Variants in WDPCP observed in about 807,000 individuals in gnomAD.
WDPCP encodes WD repeat-containing and planar cell polarity effector protein fritz homolog.
Under a neutral mutation model 93.1 loss-of-function variants are expected in WDPCP, and 71 were observed. The observed-to-expected ratio is 0.76, with a 90% CI of 0.63 to 0.93. WDPCP has a LOEUF of 0.93. Ranked by LOEUF, WDPCP falls within the 40% of genes least tolerant of loss-of-function variation. The probability of loss-of-function intolerance (pLI) is 0.00; values close to 1 mark genes in which losing one functional copy is unlikely to be tolerated. For synonymous variants in WDPCP, 315 were observed against 315.0 expected (o/e 1.00, Z 0.00); for missense variants, 844 against 887.4 (o/e 0.95, Z 0.62).
chr2:63,667,582 T>C lies in WDPCP; in HGVS notation n.309-16744A>G, dbSNP rs182589645. Among the ~76,000 whole-genome samples the C allele has an allele frequency of 2.6e-5, 4 of 152,272 alleles. No individual in the cohort carries two copies. In the East Asian group the frequency reaches 7.7e-4, roughly 29 times the overall value. On this transcript the variant is annotated intron_variant and non_coding_transcript_variant, in intron 2 of 4. Transcript: ENST00000467687. ...AAAGCAGTTCAGAACATTTCTGGAG[T>C]TTCTCTCCCTGTTATCATGTTTTCT...
intron 2 of WDPCP, among the ~76,000 whole-genome samples, chr2:63,704,079 A>C (rs542769353): frequency 1.3e-5 from 2 of 152,220 alleles, no homozygotes; most frequent in East Asian, 3.9e-4. Context: ...ATGAGAGTTC[A>C]CTCATGATTT....
intron 12 of WDPCP, among the ~76,000 whole-genome samples, chr2:63,315,199 G>A (rs1164351207): frequency 6.6e-6 from 1 of 152,146 alleles, no homozygotes; most frequent in East Asian, 1.9e-4. Context: ...TCACTCAGCA[G>A]ACAACAAATA....
intron 12 of WDPCP, among the ~76,000 whole-genome samples, chr2:63,321,815 A>C (rs1310040160): frequency 2.0e-5 from 3 of 152,168 alleles, no homozygotes; most frequent in Non-Finnish European, 4.4e-5. Flanking sequence ...GTATATAGGA[A>C]TGTTTACATT....
chr2:63,519,764 G>A (rs752385101), intron 1 of WDPCP, among the ~76,000 whole-genome samples: 1 of 151,920 alleles, frequency 6.6e-6, no homozygotes, highest in Non-Finnish European at 1.5e-5. Flanking sequence ...AAGATTGAAG[G>A]AACATCAGCC....
chr2:63,606,765 A>T, intron 3 of WDPCP: 1 of 816,518 alleles, frequency 1.2e-6, no homozygotes, highest in Non-Finnish European at 1.8e-6. Flanking sequence ...ATCAGACTTT[A>T]AAACGATATA....
intron 3 of WDPCP, among the ~76,000 whole-genome samples, chr2:63,627,484 A>T (rs1226856327): frequency 1.3e-5 from 2 of 152,220 alleles, no homozygotes; most frequent in Non-Finnish European, 2.9e-5. Context: ...AAGTGAGAAC[A>T]TGCATTCCCG....
intron 17 of WDPCP, among the ~76,000 whole-genome samples, chr2:63,142,903 CAT>C (rs1444591881): frequency 2.8e-5 from 4 of 141,370 alleles, no homozygotes; most frequent in Non-Finnish European, 6.1e-5. Context: ...TACACACATA[CAT>C]ATATATACAC....
chr2:63,149,170 G>C (rs1440881613), intron 17 of WDPCP, among the ~76,000 whole-genome samples: 1 of 152,068 alleles, frequency 6.6e-6, no homozygotes, highest in Non-Finnish European at 1.5e-5. Context: ...AAATCAGTGA[G>C]AAAAAGGCAA....
At chr2:63,312,696 A>C (rs1043401920) in intron 13 of WDPCP, among the ~76,000 whole-genome samples, 3 of 152,182 alleles carry the variant, frequency 2.0e-5, no homozygotes, top group African/African-American at 7.2e-5. Context: ...ATTTGTAAGA[A>C]ACTGGTCAGT....
Position 63,525,008 on chromosome 2 carries a change from T to C in WDPCP, c.76-32068A>G, listed in dbSNP as rs1703219972. Among the ~76,000 whole-genome samples the C allele has an allele frequency of 2.6e-5, 4 of 152,128 alleles. No individual in the cohort carries two copies. In the South Asian group the frequency reaches 8.3e-4, roughly 31 times the overall value. On this transcript the variant is annotated intron_variant, in intron 1 of 17. Transcript: ENST00000272321. ...GAGAATCAACCTAAAAGTTCATCAA[T>C]GGTAGACTGGATAAAGAAAATGTGG...
At chr2:63,528,048 C>A (rs1703491309) in intron 1 of WDPCP, among the ~76,000 whole-genome samples, 1 of 152,084 alleles carries the variant, frequency 6.6e-6, no homozygotes, top group African/African-American at 2.4e-5. Flanking sequence ...ATATCCTTCG[C>A]CCCCTTTTTC....
At chr2:63,270,349 A>C (rs1682527574) in intron 13 of WDPCP, among the ~76,000 whole-genome samples, 1 of 151,978 alleles carries the variant, frequency 6.6e-6, no homozygotes, top group Admixed American at 6.6e-5. Context: ...AATAAAACCA[A>C]GTGCTTCCTT....
In WDPCP at chr2:63,766,323, C is replaced by T. The variant is rs552369564; in HGVS notation, n.308+47299G>A. Among the ~76,000 whole-genome samples the T allele has an allele frequency of 9.9e-5, 15 of 151,744 alleles. No individual in the cohort carries two copies. The South Asian group carries it at 3.1e-3, about 32-fold the overall frequency. ...GAAATTAGGCTGGAAGTAAATATGCCCAAATATTAAATTTTTTTTTTTTTT... is the reference window on the plus strand; with the variant it reads ...GAAATTAGGCTGGAAGTAAATATGCTCAAATATTAAATTTTTTTTTTTTTT... On this transcript the variant is annotated intron_variant and non_coding_transcript_variant, in intron 2 of 4. Coordinates refer to the WDPCP transcript ENST00000467687.
chr2:63,647,336 C>G (rs993633430), intron 3 of WDPCP, among the ~76,000 whole-genome samples: 8 of 152,114 alleles, frequency 5.3e-5, no homozygotes, highest in African/African-American at 1.2e-4. Context: ...TGGGGTTCAT[C>G]ATTTGGCCAG....
intron 1 of WDPCP, among the ~76,000 whole-genome samples, chr2:63,573,955 A>G (rs1707735435): frequency 6.6e-6 from 1 of 152,194 alleles, no homozygotes; most frequent in Non-Finnish European, 1.5e-5. Context: ...CAGGCTTATT[A>G]GGACGAGGAA....
intron 12 of WDPCP, among the ~76,000 whole-genome samples, chr2:63,358,825 C>T (rs1470741092): frequency 1.3e-5 from 2 of 152,172 alleles, no homozygotes; most frequent in African/African-American, 4.8e-5. Context: ...AATTCTTTTC[C>T]ACTATCACAG....
chr2:63,254,572 A>G (rs1680987884), intron 14 of WDPCP, among the ~76,000 whole-genome samples: 1 of 152,130 alleles, frequency 6.6e-6, no homozygotes, highest in South Asian at 2.1e-4. Flanking sequence ...CTAAGAAATA[A>G]TGGAGAAGTC....
intron 14 of WDPCP, among the ~76,000 whole-genome samples, chr2:63,242,628 A>T (rs951786935): frequency 2.0e-5 from 3 of 152,130 alleles, no homozygotes; most frequent in Non-Finnish European, 4.4e-5. Flanking sequence ...TCTCTAAAAA[A>T]TAAATAAATG....
At chr2:63,228,943 T>C (rs1376399604) in intron 14 of WDPCP, 1 of 152,168 alleles carries the variant, frequency 6.6e-6, no homozygotes, top group South Asian at 2.1e-4. Context: ...TTTGGGTATA[T>C]ACCCAGTAAT....
Sources: allele counts gnomAD v4.1 joint callset (sites outside exome capture counted in the v4.1 genomes callset), GRCh38; gene constraint gnomAD v4.1.1; transcripts MANE v1.5; gene names NCBI Gene and HGNC (gene_info 2026-07-23, HGNC 2026-07-21).